SUSD1: variants seen among roughly 807,000 people sequenced by gnomAD.
The protein encoded by SUSD1 is sushi domain containing 1.
SUSD1 carries 65 observed loss-of-function variants against 86.9 expected under a neutral mutation model. The observed-to-expected ratio is 0.75, with a 90% CI of 0.61 to 0.92. The LOEUF is 0.92. Among genes scored for constraint, SUSD1 ranks in the 40% least tolerant of loss-of-function variants. The probability of loss-of-function intolerance (pLI) is 0.00; values close to 1 mark genes in which losing one functional copy is unlikely to be tolerated. For missense variants in SUSD1, 850 were observed against 929.7 expected, an observed-to-expected ratio of 0.91 and a Z score of 1.11; for synonymous variants, 346 against 350.0, an observed-to-expected ratio of 0.99 and a Z score of 0.13.
At chr9:112,149,510 C>T in intron 2 of SUSD1, 111 bp from the exon 3 acceptor site, 1 of 1,191,034 alleles carries the variant, frequency 8.4e-7, no homozygotes, top group Non-Finnish European at 1.2e-6. Flanking sequence ...TGTGACCACA[C>T]CTTAGTGATC....
chr9:112,056,188 G>A (rs1828439284), intron 14 of SUSD1, among the ~76,000 whole-genome samples: 1 of 152,028 alleles, frequency 6.6e-6, no homozygotes, highest in Admixed American at 6.6e-5. Context: ...TATTGTTTGA[G>A]CCCCGGGGGT....
intron 1 of SUSD1, among the ~76,000 whole-genome samples, chr9:112,170,692 CATATAT>C (rs3983405): frequency 1.4e-3 from 174 of 120,066 alleles, no homozygotes; most frequent in African/African-American, 5.6e-3. Flanking sequence ...ATGGCCAGAT[CATATAT>C]ATATATATAT....
At chr9:112,080,797 G>A (rs1394162905) in intron 10 of SUSD1, among the ~76,000 whole-genome samples, 2 of 152,116 alleles carry the variant, frequency 1.3e-5, no homozygotes, top group Non-Finnish European at 2.9e-5. Context: ...CCTGGACCTT[G>A]TATACCCTCA....
Position 112,081,527 on chromosome 9 carries a change from G to A in SUSD1, c.1475-1362C>T, listed in dbSNP as rs1229175151. ...GTAGAGACAGGTTTGGAGATTAGTA[G>A]TAGTGGTCCAAAGTTACACTTCTGA... On this transcript the variant is annotated intron_variant, in intron 10 of 16. Transcript: ENST00000374270. 2.6e-5 allele frequency among the ~76,000 whole-genome samples: 4 copies of A among 152,334 alleles called. No homozygotes were observed. The East Asian group carries it at 7.7e-4, about 29-fold the overall frequency.
intron 12 of SUSD1, among the ~76,000 whole-genome samples, chr9:112,074,261 T>C (rs938607105): frequency 2.6e-5 from 4 of 152,128 alleles, no homozygotes; most frequent in African/African-American, 9.6e-5. Context: ...AACATGTGGA[T>C]GCTCTTCTGA....
Position 112,071,468 on chromosome 9 carries a change from T to C in SUSD1, c.1753+7070A>G, listed in dbSNP as rs200495962. 2.0e-5 allele frequency among the ~76,000 whole-genome samples: 3 copies of C among 150,584 alleles called. No homozygotes were observed. In the Admixed American group the frequency reaches 2.0e-4, roughly 10 times the overall value. On this transcript the variant is annotated intron_variant, in intron 12 of 16. Coordinates refer to ENST00000374270, the MANE Select transcript of SUSD1 (RefSeq NM_022486.5). The stretch of plus-strand genomic sequence containing the variant: ...TAATGAAACTCAGTCTCAAAAAAAA[T>C]TGAAAAGAAAACAAAAGAGTAAATA...
chr9:112,079,926 G>A, intron 11 of SUSD1, 148 bp downstream of exon 11: 1 of 562,926 alleles, frequency 1.8e-6, no homozygotes, highest in South Asian at 1.9e-5. Context: ...CACAGAAGTG[G>A]CCATCTTCTT....
intron 5 of SUSD1, among the ~76,000 whole-genome samples, chr9:112,138,299 C>T (rs555889926): frequency 2.6e-5 from 1 of 38,266 alleles, no homozygotes; most frequent in Admixed American, 3.0e-4. Context: ...GGATCCCAAA[C>T]CCTCCCATTG....
intron 12 of SUSD1, among the ~76,000 whole-genome samples, chr9:112,072,058 C>A (rs183592969): frequency 1.3e-5 from 2 of 151,722 alleles, no homozygotes; most frequent in East Asian, 3.9e-4. Flanking sequence ...CATAACCAAT[C>A]GAAAAATATT....
At chr9:112,112,277 G>A (rs557193019) in intron 7 of SUSD1, among the ~76,000 whole-genome samples, 96 of 152,228 alleles carry the variant, frequency 6.3e-4, no homozygotes, top group African/African-American at 2.0e-3. Context: ...GCAAAATAAC[G>A]AAATCATCCA....
chr9:112,163,498 C>G (rs1833656298), intron 1 of SUSD1, among the ~76,000 whole-genome samples: 1 of 151,764 alleles, frequency 6.6e-6, no homozygotes. Context: ...ATTAGCTGGG[C>G]ATGGTGGTGC....
At position 112,077,397 on chromosome 9, in the gene SUSD1, G is replaced by C. The variant is rs915213203; in HGVS notation, c.1753+1141C>G. Among the ~76,000 whole-genome samples, 5 of 152,032 alleles carry C rather than the reference G, an allele frequency of 3.3e-5. No homozygotes were observed. The South Asian group carries it at 1.0e-3, about 32-fold the overall frequency. The stretch of plus-strand genomic sequence containing the variant: ...ATTTGCTCAGAGCATGTGTGAAGTG[G>C]GGGTCACAGATGTGAAGAGGGAGGA... On this transcript the variant is annotated intron_variant, in intron 12 of 16. Coordinates refer to ENST00000374270, the MANE Select transcript of SUSD1 (RefSeq NM_022486.5).
chr9:112,155,774 C>A lies in SUSD1; in HGVS notation c.217+1726G>T, dbSNP rs145956486. On this transcript the variant is annotated intron_variant, in intron 2 of 16. Transcript: ENST00000374270. ...CCCAGGAGCTCAAGACCACCCCGGG[C>A]AATGTAGTGAGACCCTGTATCTACT... Among the ~76,000 whole-genome samples the A allele has an allele frequency of 4.8e-3, 730 of 150,708 alleles. 4 individuals are homozygous for A. Among genetic ancestry groups the A allele is most frequent in the African/African-American group, 0.017 (703 of 40,948 alleles).
chr9:112,094,814 GA>G (rs1170866325), intron 10 of SUSD1, among the ~76,000 whole-genome samples: 1 of 152,186 alleles, frequency 6.6e-6, no homozygotes, highest in Non-Finnish European at 1.5e-5. Context: ...TTAATAACTG[GA>G]ACTGTGATAC....
intron 14 of SUSD1, among the ~76,000 whole-genome samples, chr9:112,057,445 C>T (rs1385127724): frequency 6.6e-6 from 1 of 152,172 alleles, no homozygotes; most frequent in African/African-American, 2.4e-5. Flanking sequence ...AAGTCAGAAA[C>T]CCCAAGTAAT....
intron 10 of SUSD1, among the ~76,000 whole-genome samples, chr9:112,082,472 G>T (rs1393876598): frequency 6.6e-6 from 1 of 152,150 alleles, no homozygotes; most frequent in African/African-American, 2.4e-5. Flanking sequence ...AGAGTTAGAA[G>T]ATTTAAGAAC....
intron 10 of SUSD1, among the ~76,000 whole-genome samples, chr9:112,084,382 A>C (rs895073468): frequency 6.6e-6 from 1 of 152,180 alleles, no homozygotes; most frequent in African/African-American, 2.4e-5. Flanking sequence ...GTAAGGCCAA[A>C]AGTCAAAGAA....
intron 1 of SUSD1, among the ~76,000 whole-genome samples, chr9:112,165,667 C>T (rs956952384): frequency 4.6e-5 from 7 of 151,782 alleles, no homozygotes; most frequent in African/African-American, 7.3e-5. Context: ...ACCTCGGCCT[C>T]CCAAAGTCCT....
chr9:112,117,665 A>G (rs1035476449), intron 6 of SUSD1, among the ~76,000 whole-genome samples: 13 of 152,178 alleles, frequency 8.5e-5, no homozygotes, highest in African/African-American at 3.1e-4. Context: ...AAGTCATTAT[A>G]TAATGACCAC....
Sources: gnomAD v4.1 joint callset for allele counts (sites outside exome capture counted in the v4.1 genomes callset) on GRCh38, gnomAD v4.1.1 for gene constraint, MANE v1.5 for transcripts, NCBI Gene and HGNC (gene_info 2026-07-23, HGNC 2026-07-21) for gene names.